Variants in PRKG1 observed in about 807,000 individuals in gnomAD.
The protein encoded by PRKG1 is cGMP-dependent protein kinase 1.
In PRKG1, 35 loss-of-function variants were observed where a neutral mutation model predicts 88.1. That is an observed-to-expected ratio of 0.40 (90% CI 0.30 to 0.53). The LOEUF (loss-of-function observed/expected upper bound fraction) is 0.53, where lower values mean the gene tolerates loss of function less well. PRKG1 is among the 20% of genes least tolerant of loss of function. The pLI is 0.59. For missense variants in PRKG1, 540 were observed against 839.8 expected (o/e 0.64, Z 4.41); for synonymous variants, 303 against 292.5 (o/e 1.04, Z -0.37).
intron 10 of PRKG1, among the ~76,000 whole-genome samples, chr10:52,270,434 G>A (rs927396580): frequency 2.7e-4 from 41 of 151,440 alleles, no homozygotes; most frequent in African/African-American, 6.0e-4. Context: ...TGTTTATTGC[G>A]GCACTATTCA....
chr10:51,781,258 T>C (rs1210390568), intron 3 of PRKG1, among the ~76,000 whole-genome samples: 1 of 152,188 alleles, frequency 6.6e-6, no homozygotes, highest in Non-Finnish European at 1.5e-5. Flanking sequence ...ATCATTTCAA[T>C]CATCAAATGT....
intron 3 of PRKG1, among the ~76,000 whole-genome samples, chr10:51,634,734 T>C (rs1476186336): frequency 6.6e-6 from 1 of 152,072 alleles, no homozygotes; most frequent in Admixed American, 6.6e-5. Flanking sequence ...CCTGGTAATT[T>C]CATGGAATAC....
intron 2 of PRKG1, among the ~76,000 whole-genome samples, chr10:51,268,840 T>G (rs1405936434): frequency 6.6e-6 from 1 of 152,210 alleles, no homozygotes; most frequent in Non-Finnish European, 1.5e-5. Flanking sequence ...ATCTTCACAA[T>G]TTATGTTCAG....
chr10:51,374,023 TC>T (rs1842757685), intron 2 of PRKG1, among the ~76,000 whole-genome samples: 1 of 143,996 alleles, frequency 6.9e-6, no homozygotes, highest in Admixed American at 7.1e-5. Flanking sequence ...GCGCCTGTAA[TC>T]CCAGCTACTC....
At chr10:51,975,639 A>G (rs1024416183) in intron 5 of PRKG1, among the ~76,000 whole-genome samples, 1 of 152,104 alleles carries the variant, frequency 6.6e-6, no homozygotes, top group African/African-American at 2.4e-5. Flanking sequence ...GCAGAAGGTT[A>G]ATTCATGTGT....
intron 5 of PRKG1, among the ~76,000 whole-genome samples, chr10:51,982,687 G>A (rs1844040770): frequency 6.6e-6 from 1 of 151,200 alleles, no homozygotes; most frequent in Admixed American, 6.6e-5. Flanking sequence ...ATTGTGCTGG[G>A]GGTGCTGAGG....
chr10:51,226,019 C>T (rs1451744343), intron 2 of PRKG1, among the ~76,000 whole-genome samples: 11 of 152,048 alleles, frequency 7.2e-5, no homozygotes, highest in Admixed American at 7.2e-4. Context: ...GCCTGGGCAA[C>T]ACGGTGAAAC....
At chr10:51,704,998 T>C (rs1416463884) in intron 3 of PRKG1, among the ~76,000 whole-genome samples, 5 of 152,226 alleles carry the variant, frequency 3.3e-5, no homozygotes, top group African/African-American at 9.6e-5. Flanking sequence ...TCTTCCTACA[T>C]ATAACACACT....
Position 52,137,388 on chromosome 10 carries a change from A to G in PRKG1, c.1001+3483A>G, listed in dbSNP as rs946624542. ...ATAAAAAGAATATTAGTCTAACAGA[A>G]CCATCCATTAATAAATTTCTTAAAT... On this transcript the variant is annotated intron_variant, in intron 8 of 17. Transcript: ENST00000373980. Among the ~76,000 whole-genome samples the G allele has an allele frequency of 3.3e-5, 5 of 152,240 alleles. No homozygotes were observed. The South Asian group carries it at 6.2e-4, about 19-fold the overall frequency.
At chr10:52,192,563 A>T (rs1839393368) in intron 9 of PRKG1, among the ~76,000 whole-genome samples, 1 of 152,108 alleles carries the variant, frequency 6.6e-6, no homozygotes, top group South Asian at 2.1e-4. Context: ...TTTTAGATTG[A>T]TATTCTCAAT....
At chr10:52,125,822 A>C (rs1424699996) in intron 7 of PRKG1, 2 of 152,120 alleles carry the variant, frequency 1.3e-5, no homozygotes, top group Non-Finnish European at 2.9e-5. Context: ...TTCACCTTTC[A>C]TGAAAGAAGC....
chr10:51,336,712 G>T (rs914977659), intron 2 of PRKG1, among the ~76,000 whole-genome samples: 3 of 152,160 alleles, frequency 2.0e-5, no homozygotes, highest in Non-Finnish European at 2.9e-5. Flanking sequence ...AGGACAGGAG[G>T]CAAGGTGGAG....
At chr10:51,806,594 A>G (rs1329863367) in intron 4 of PRKG1, among the ~76,000 whole-genome samples, 1 of 152,190 alleles carries the variant, frequency 6.6e-6, no homozygotes, top group Non-Finnish European at 1.5e-5. Context: ...GTTTGTGAAC[A>G]TAGGACTGGG....
chr10:51,017,637 C>T (rs1843084794), intron 1 of PRKG1, among the ~76,000 whole-genome samples: 1 of 152,106 alleles, frequency 6.6e-6, no homozygotes, highest in Admixed American at 6.5e-5. Context: ...AAAACAGTTG[C>T]ACTGACTTCA....
At chr10:52,265,819 C>T (rs546690341) in intron 10 of PRKG1, among the ~76,000 whole-genome samples, 1 of 152,194 alleles carries the variant, frequency 6.6e-6, no homozygotes, top group South Asian at 2.1e-4. Flanking sequence ...ACCTTAAGAT[C>T]TACTTGGCCC....
chr10:51,080,268 A>G (rs1375074620), intron 1 of PRKG1, among the ~76,000 whole-genome samples: 1 of 152,168 alleles, frequency 6.6e-6, no homozygotes, highest in Non-Finnish European at 1.5e-5. Flanking sequence ...TCTTAAATAG[A>G]ATGGCTCTAC....
At chr10:51,606,036 A>T (rs560227983) in intron 3 of PRKG1, among the ~76,000 whole-genome samples, 8 of 152,302 alleles carry the variant, frequency 5.3e-5, no homozygotes, top group South Asian at 2.1e-4. Context: ...CTTTAAAAAA[A>T]TTTATCATTT....
At chr10:51,878,147 G>A (rs78898770) in intron 4 of PRKG1, among the ~76,000 whole-genome samples, 2,955 of 152,026 alleles carry the variant, frequency 0.019, 80 homozygotes, top group African/African-American at 0.066. Context: ...CATAAATAAT[G>A]TTTAACAGTG....
At chr10:51,486,974 CTCTT>C (rs1840563571) in intron 3 of PRKG1, among the ~76,000 whole-genome samples, 3 of 152,034 alleles carry the variant, frequency 2.0e-5, no homozygotes, top group Admixed American at 6.6e-5. Context: ...TTTTTTCTCT[CTCTT>C]TCACATTTGT....
Sources: allele counts gnomAD v4.1 joint callset (sites outside exome capture counted in the v4.1 genomes callset), GRCh38; gene constraint gnomAD v4.1.1; transcripts MANE v1.5; gene names NCBI Gene and HGNC (gene_info 2026-07-23, HGNC 2026-07-21).